The following PRKCZ variants were observed in gnomAD, a reference collection of about 807,000 sequenced individuals.
PRKCZ encodes protein kinase C zeta, also known as protein kinase C zeta type.
In PRKCZ, 33 loss-of-function variants were observed where a neutral mutation model predicts 79.5. The observed-to-expected ratio is 0.41, with a 90% CI of 0.31 to 0.55. The LOEUF (loss-of-function observed/expected upper bound fraction) is 0.55, where lower values mean the gene tolerates loss of function less well. PRKCZ is among the 20% of genes least tolerant of loss of function. PRKCZ has a pLI of 0.19. For missense variants in PRKCZ, 578 were observed against 813.5 expected (o/e 0.71, Z 3.52); for synonymous variants, 342 against 320.9 (o/e 1.07, Z -0.70).
rs940897240 is a variant in PRKCZ at position 2,075,086 on chromosome 1, G to C, written c.334+15495G>C. The stretch of plus-strand genomic sequence containing the variant: ...GACGCAGGGCTGCTCCGCACAGCCA[G>C]CTTGGGCCGCAGGGGTCCTTGAGTG... On this transcript the variant is annotated intron_variant, in intron 4 of 17. Transcript: ENST00000378567. This position sits in a 1 kb window ranked among gnomAD's most constrained non-coding sequence, Gnocchi z 4.8. 6 of 152,280 alleles carry C rather than the reference G, an allele frequency of 3.9e-5. No homozygotes were observed. The highest frequency in any genetic ancestry group is 1.4e-4 in the African/African-American group (6 of 41,448). 9.4% of individuals were successfully genotyped at this position (152,280 alleles called of 1,614,324 possible).
chr1:2,086,278 C>G (rs1664509225), intron 4 of PRKCZ, among the ~76,000 whole-genome samples: 2 of 152,038 alleles, frequency 1.3e-5, no homozygotes, highest in Non-Finnish European at 2.9e-5. Context: ...CCAGGCTGAT[C>G]TTGAACTCCT....
intron 4 of PRKCZ, among the ~76,000 whole-genome samples, chr1:2,109,643 A>G (rs1009879107): frequency 9.2e-5 from 14 of 152,110 alleles, no homozygotes; most frequent in African/African-American, 3.1e-4. Flanking sequence ...CGTGGTGAGG[A>G]CACGGGGTTG....
chr1:2,121,968 A>G (rs1344011676), intron 4 of PRKCZ, among the ~76,000 whole-genome samples: 1 of 115,584 alleles, frequency 8.7e-6, no homozygotes, highest in Admixed American at 9.9e-5. Context: ...GGTTAGGGTC[A>G]CGGTGGTGGT....
chr1:2,080,289 G>A (rs1663235164), intron 4 of PRKCZ, among the ~76,000 whole-genome samples: 1 of 128,724 alleles, frequency 7.8e-6, no homozygotes, highest in African/African-American at 5.0e-5. Flanking sequence ...AAGTATGCAG[G>A]AAAACCAGAG....
intron 4 of PRKCZ, among the ~76,000 whole-genome samples, chr1:2,081,826 G>A (rs1384479813): frequency 9.4e-6 from 1 of 105,840 alleles, no homozygotes; most frequent in African/African-American, 3.5e-5. Context: ...CTGCCGCCCC[G>A]CCCCCCAGCA....
At chr1:2,072,462 G>A (rs1661687318) in intron 4 of PRKCZ, among the ~76,000 whole-genome samples, 1 of 152,204 alleles carries the variant, frequency 6.6e-6, no homozygotes. Flanking sequence ...TGGGTTGGAG[G>A]CAGGGGGATG....
At chr1:2,052,916 C>T (rs992362902) in intron 1 of PRKCZ, among the ~76,000 whole-genome samples, 2 of 152,180 alleles carry the variant, frequency 1.3e-5, no homozygotes, top group African/African-American at 2.4e-5. Context: ...CTTGCCTGTC[C>T]TCCCAGGGCC....
chr1:2,055,097 C>T (rs147165091), intron 1 of PRKCZ, among the ~76,000 whole-genome samples: 24,266 of 151,960 alleles, frequency 0.16, 2,144 homozygotes, highest in East Asian at 0.25. Flanking sequence ...CGCCCGCCAC[C>T]GCGCCTGGCT....
chr1:2,089,341 G>A (rs925147335), intron 4 of PRKCZ, among the ~76,000 whole-genome samples: 2 of 152,202 alleles, frequency 1.3e-5, no homozygotes, highest in Non-Finnish European at 2.9e-5. Context: ...TGAGGGTCGG[G>A]GTTGGGGACA....
At chr1:2,103,880 G>C (rs1667913823) in intron 4 of PRKCZ, among the ~76,000 whole-genome samples, 1 of 152,222 alleles carries the variant, frequency 6.6e-6, no homozygotes, top group South Asian at 2.1e-4. Flanking sequence ...GAGGGGTGAA[G>C]GGCAACGCGC....
chr1:2,133,546 A>C (rs1393775421), intron 4 of PRKCZ: 1 of 90,488 alleles, frequency 1.1e-5, no homozygotes, highest in East Asian at 3.8e-4. Context: ...CCAGCTGTGC[A>C]TCCGTCCCTT....
At chr1:2,078,375 C>T (rs1662832047) in intron 4 of PRKCZ, among the ~76,000 whole-genome samples, 2 of 152,208 alleles carry the variant, frequency 1.3e-5, no homozygotes, top group South Asian at 4.1e-4. Flanking sequence ...AAGAATTTTC[C>T]CTCTGCATTT....
At chr1:2,103,997 A>G (rs1667936145) in intron 4 of PRKCZ, among the ~76,000 whole-genome samples, 1 of 152,240 alleles carries the variant, frequency 6.6e-6, no homozygotes, top group South Asian at 2.1e-4. Flanking sequence ...TCAGGTGTCC[A>G]CACAGATGAC....
intron 8 of PRKCZ, 30 bp from the exon 9 acceptor site, chr1:2,150,760 A>G (rs745944359): frequency 1.3e-6 from 2 of 1,597,618 alleles, no homozygotes; most frequent in South Asian, 2.2e-5. Flanking sequence ...CCCCCCTCTC[A>G]CTTTCTGGGG....
chr1:2,155,941 T>A (rs892357484), intron 9 of PRKCZ, 54 bp from the exon 10 acceptor site: 31 of 1,487,710 alleles, frequency 2.1e-5, no homozygotes, highest in South Asian at 1.7e-4. Context: ...TTGCCCAGGA[T>A]GCCTGTGAGG....
At chr1:2,067,787 T>A (rs913872193) in intron 4 of PRKCZ, among the ~76,000 whole-genome samples, 1 of 152,232 alleles carries the variant, frequency 6.6e-6, no homozygotes, top group Non-Finnish European at 1.5e-5. Flanking sequence ...CCTTGCTGTA[T>A]CTGGTCACAC....
intron 3 of PRKCZ, among the ~76,000 whole-genome samples, chr1:2,058,533 A>G (rs554452017): frequency 5.9e-5 from 9 of 152,138 alleles, no homozygotes; most frequent in Non-Finnish European, 1.3e-4. Flanking sequence ...TGGTTGTGAT[A>G]GTAAGCACAT....
chr1:2,152,130 C>T (rs1467600776), intron 9 of PRKCZ, among the ~76,000 whole-genome samples: 3 of 152,228 alleles, frequency 2.0e-5, no homozygotes, highest in Non-Finnish European at 4.4e-5. Flanking sequence ...GGATTACAGG[C>T]ATGAGTCACT....
chr1:2,067,404 G>A (rs946022460), intron 4 of PRKCZ, among the ~76,000 whole-genome samples: 1 of 152,218 alleles, frequency 6.6e-6, no homozygotes, highest in African/African-American at 2.4e-5. Context: ...TCTGCTGATG[G>A]ACACTGGTGG....
Sources: gnomAD v4.1 joint callset for allele counts (sites outside exome capture counted in the v4.1 genomes callset) on GRCh38, gnomAD v4.1.1 for gene constraint, Gnocchi (gnomAD v3.1) non-coding constraint, MANE v1.5 for transcripts, NCBI Gene and HGNC (gene_info 2026-07-23, HGNC 2026-07-21) for gene names.